Variants in SERPINB10 observed in about 807,000 individuals in gnomAD.
The protein encoded by SERPINB10 is serpin B10.
A neutral mutation model predicts 39.1 loss-of-function variants in SERPINB10; 35 were observed. That is an observed-to-expected ratio of 0.90 (90% confidence interval 0.68 to 1.19). The LOEUF (loss-of-function observed/expected upper bound fraction) is 1.19. Among genes scored for constraint, SERPINB10 ranks in the 50% most tolerant of loss-of-function variants. SERPINB10 has a pLI of 0.00. For synonymous variants in SERPINB10, 190 were observed against 158.1 expected, an observed-to-expected ratio of 1.20 and a Z score of -1.52; for missense variants, 546 against 460.5, an observed-to-expected ratio of 1.19 and a Z score of -1.70.
chr18:63,927,261 GTCA>G (rs1378796066), intron 5 of SERPINB10, among the ~76,000 whole-genome samples: 1 of 151,926 alleles, frequency 6.6e-6, no homozygotes, highest in East Asian at 1.9e-4. Flanking sequence ...AATTTACAAA[GTCA>G]TCATTTTAAA....
rs116315170 is a variant in SERPINB10 at position 63,926,468 on chromosome 18, C to T, written c.491-3577C>T. Reference sequence around the variant, plus strand: ...AATAAGGTCACATTCACAGGTACTACGGGTTAGAAGTGGGACACGTGTTTT... The same window carrying T: ...AATAAGGTCACATTCACAGGTACTATGGGTTAGAAGTGGGACACGTGTTTT... On this transcript the variant is annotated intron_variant, in intron 5 of 7. Coordinates refer to ENST00000238508, the MANE Select transcript of SERPINB10 (RefSeq NM_005024.3). Among the ~76,000 whole-genome samples the T allele has an allele frequency of 6.0e-3, 916 of 152,088 alleles. 10 individuals carry two copies. Among genetic ancestry groups the T allele is most frequent in the African/African-American group, 0.021 (880 of 41,520 alleles).
At position 63,915,576 on chromosome 18, in the gene SERPINB10, T is replaced by C. The variant is rs757455327; in HGVS notation, c.66T>C (p.Ser22=). ...AGTTGAGCAAAAAGCTAGCTGAATC[T>C]GCTCAGGGTAAAAATATCTTCTTTT... is the stretch of plus-strand genomic sequence containing the variant. ...ALELSKKLAE[S]AQGKNIFFSS... is the part of the protein sequence containing the mutation. Residue 22 remains serine, a synonymous_variant, in exon 2 of 8, where the codon TCT becomes TCC. Coordinates refer to ENST00000238508, the MANE Select transcript of SERPINB10 (RefSeq NM_005024.3). 1 of 1,612,848 alleles carries C rather than the reference T, an allele frequency of 6.2e-7. No homozygotes were observed. Among genetic ancestry groups the C allele is most frequent in the Non-Finnish European group, 8.5e-7 (1 of 1,179,244 alleles).
At position 63,935,010 on chromosome 18, in the gene SERPINB10, A is replaced by G. The variant is rs753460845; in HGVS notation, c.962A>G (p.Asp321Gly). 3 of 1,614,210 alleles carry G rather than the reference A, an allele frequency of 1.9e-6. No homozygotes were observed. Among genetic ancestry groups the G allele is most frequent in the Non-Finnish European group, 1.7e-6 (2 of 1,180,040 alleles). The change falls in exon 8 of 8, where the codon GAT becomes GGT. Residue 321 changes from aspartate (D) to glycine (G), a missense_variant. Asp to Gly is a moderately conservative substitution (Grantham distance 94). Transcript: ENST00000238508. The stretch of plus-strand genomic sequence containing the variant: ...GATGCCTTCAGCCAAAGCAAAGCTG[A>G]TTTCTCAGGAATGTCTTCAGCAAGA... ...MSDAFSQSKADFSGMSSARNL... is the reference protein window; with the variant it reads ...MSDAFSQSKAGFSGMSSARNL...
At chr18:63,915,828 T>C (rs920292074) in intron 2 of SERPINB10, 150 bp downstream of exon 2, 3 of 666,384 alleles carry the variant, frequency 4.5e-6, no homozygotes, top group Non-Finnish European at 6.9e-6. Flanking sequence ...TTCTATACCA[T>C]AAAACAAATC....
In SERPINB10 at chr18:63,917,886, T is replaced by C. The variant is rs191049040; in HGVS notation, c.235-79T>C. 173 of 1,333,342 alleles carry C rather than the reference T, an allele frequency of 1.3e-4. No homozygotes were observed. The East Asian group carries it at 3.7e-3, about 28-fold the overall frequency. 82.6% of individuals were successfully genotyped at this position (1,333,342 alleles called of 1,614,324 possible). ...CTTTTGTTTGCAATTCCCCAAATAA[T>C]TTTATTTAGCTTTAGTTTGCTAACA... On this transcript the variant is annotated intron_variant, in intron 3 of 7. Transcript: ENST00000238508.
chr18:63,930,606 A>C (rs773294969), intron 6 of SERPINB10, among the ~76,000 whole-genome samples: 7 of 152,192 alleles, frequency 4.6e-5, no homozygotes, highest in Non-Finnish European at 8.8e-5. Flanking sequence ...AAAAGCAATA[A>C]AAACGGAGAC....
chr18:63,919,334 A>G (rs891341087), intron 4 of SERPINB10, among the ~76,000 whole-genome samples: 22 of 151,106 alleles, frequency 1.5e-4, no homozygotes, highest in African/African-American at 5.4e-4. Flanking sequence ...AGGGTCCTCC[A>G]CAAGATTCTT....
intron 5 of SERPINB10, among the ~76,000 whole-genome samples, chr18:63,925,904 T>C (rs756984885): frequency 3.3e-5 from 5 of 152,108 alleles, no homozygotes; most frequent in South Asian, 4.1e-4. Context: ...TCCTTTTACA[T>C]TGGAAAAATC....
intron 5 of SERPINB10, among the ~76,000 whole-genome samples, chr18:63,925,878 T>TA (rs1319714359): frequency 1.3e-5 from 2 of 151,794 alleles, no homozygotes; most frequent in Non-Finnish European, 2.9e-5. Context: ...TACCAAAAAA[T>TA]AAAAAAACCA....
chr18:63,932,538 C>T (rs557545904), intron 6 of SERPINB10, among the ~76,000 whole-genome samples: 2 of 151,974 alleles, frequency 1.3e-5, no homozygotes, highest in African/African-American at 4.8e-5. Flanking sequence ...AGATCTTTTG[C>T]CCATTTAAAA....
chr18:63,924,480 T>C (rs2050167229), intron 5 of SERPINB10, among the ~76,000 whole-genome samples: 1 of 151,986 alleles, frequency 6.6e-6, no homozygotes, highest in South Asian at 2.1e-4. Context: ...ACATATTAAG[T>C]TGAATTTACT....
Position 63,919,684 on chromosome 18 carries a change from T to C in SERPINB10, c.373-104T>C, listed in dbSNP as rs878889339. The C allele has an allele frequency of 6.9e-5, 48 of 692,416 alleles. No homozygotes were observed. The South Asian group carries it at 7.7e-4, about 11-fold the overall frequency. The allele number at this position is 692,416 out of a possible 1,614,324, so 42.9% of individuals were successfully genotyped here. A position where few individuals can be genotyped will look rare whatever the true frequency, so the allele number is the denominator to read the frequency against. ...AGAGGATGGAGTGATGGTGTGGGAG[T>C]GTGCAATTGCCCGCCTACCTAGTTC... On this transcript the variant is annotated intron_variant, in intron 4 of 7. Coordinates refer to ENST00000238508, the MANE Select transcript of SERPINB10 (RefSeq NM_005024.3).
At chr18:63,910,717 G>A (rs958759272) in intron 1 of SERPINB10, among the ~76,000 whole-genome samples, 1 of 152,008 alleles carries the variant, frequency 6.6e-6, no homozygotes, top group East Asian at 1.9e-4. Flanking sequence ...CACCTAGGTT[G>A]ATTTCATGTC....
chr18:63,914,557 G>T (rs150332401), intron 1 of SERPINB10, among the ~76,000 whole-genome samples: 1 of 152,126 alleles, frequency 6.6e-6, no homozygotes, highest in Admixed American at 6.6e-5. Context: ...GTTTTAAAAG[G>T]CTTTTAAATT....
Position 63,935,358 on chromosome 18 carries a change from GA to G in SERPINB10, c.*118del, listed in dbSNP as rs2050255704. The G allele has an allele frequency of 9.9e-7, 1 of 1,006,514 alleles. No homozygotes were observed. Among genetic ancestry groups the G allele is most frequent in the Non-Finnish European group, 1.4e-6 (1 of 692,626 alleles). 62.3% of individuals were successfully genotyped at this position (1,006,514 alleles called of 1,614,324 possible). A position where few individuals can be genotyped will look rare whatever the true frequency, so the allele number is the denominator to read the frequency against. ...TGTAGTCTAAACCTTTTTCACATTT[GA>G]ATATAAGTAAATAGATCTTGAAATA... On this transcript the variant is annotated 3_prime_UTR_variant, in exon 8 of 8. Coordinates refer to ENST00000238508, the MANE Select transcript of SERPINB10 (RefSeq NM_005024.3).
intron 4 of SERPINB10, among the ~76,000 whole-genome samples, chr18:63,919,225 G>A (rs1458735807): frequency 6.9e-6 from 1 of 145,952 alleles, no homozygotes; most frequent in Non-Finnish European, 1.5e-5. Context: ...CCAGGAGGAG[G>A]TGAAGGCCTC....
chr18:63,926,387 T>G (rs946234995), intron 5 of SERPINB10, among the ~76,000 whole-genome samples: 3 of 152,008 alleles, frequency 2.0e-5, no homozygotes, highest in Non-Finnish European at 2.9e-5. Context: ...GGGTCTCATC[T>G]TAATCCAATA....
At chr18:63,923,778 A>G (rs975251476) in intron 5 of SERPINB10, among the ~76,000 whole-genome samples, 4 of 151,906 alleles carry the variant, frequency 2.6e-5, no homozygotes, top group Non-Finnish European at 5.9e-5. Context: ...TTGAAATTTC[A>G]CAATCTATCC....
Position 63,915,486 on chromosome 18 carries a change from G to C in SERPINB10, c.-9-16G>C. 1 of 1,561,232 alleles carries C rather than the reference G, an allele frequency of 6.4e-7. No individual in the cohort carries two copies. The highest frequency in any genetic ancestry group is 8.7e-7 in the Non-Finnish European group (1 of 1,147,958). ...AATATTAATATGCTCTCTAATTTTT[G>C]CTTTATTTTTCTTAGGTTTCCTCAA... On this transcript the variant is annotated splice_polypyrimidine_tract_variant and intron_variant, in intron 1 of 7. Transcript: ENST00000238508.
Sources: allele counts gnomAD v4.1 joint callset (sites outside exome capture counted in the v4.1 genomes callset), GRCh38; gene constraint gnomAD v4.1.1; transcripts MANE v1.5; gene names NCBI Gene and HGNC (gene_info 2026-07-23, HGNC 2026-07-21).